The following EXOC2 variants were observed in gnomAD, a reference collection of about 807,000 sequenced individuals.
EXOC2 encodes the protein SEC5-like 1.
Under a neutral mutation model 131.8 loss-of-function variants are expected in EXOC2, and 70 were observed. The observed-to-expected ratio is 0.53, with a 90% CI of 0.44 to 0.65. The LOEUF is 0.65. EXOC2 is among the 30% of genes least tolerant of loss of function. The pLI is 0.00. For missense variants in EXOC2, 923 were observed against 1,108.6 expected, an observed-to-expected ratio of 0.83 and a Z score of 2.38; for synonymous variants, 411 against 398.4, an observed-to-expected ratio of 1.03 and a Z score of -0.38.
At chr6:573,734 T>A (rs1051914130) in intron 12 of EXOC2, among the ~76,000 whole-genome samples, 2 of 151,866 alleles carry the variant, frequency 1.3e-5, no homozygotes, top group Non-Finnish European at 2.9e-5. Context: ...TTTAATAATT[T>A]AAATAGTTAT....
rs199870373 is a variant in EXOC2, at chr6:532,454, A to C, written c.2380+15T>G. ...GTATATCCACATCTATTACTCAAGA[A>C]ACTTTATTACTTACCTGTTGGAGGC... On this transcript the variant is annotated intron_variant, in intron 23 of 27. Coordinates refer to ENST00000230449, the MANE Select transcript of EXOC2 (RefSeq NM_018303.6). 6.5e-7 allele frequency: 1 copy of C among 1,543,198 alleles called. No homozygotes were observed. Among genetic ancestry groups the C allele is most frequent in the Non-Finnish European group, 8.7e-7 (1 of 1,152,948 alleles).
At chr6:509,698 CA>C (rs1163243497) in intron 23 of EXOC2, among the ~76,000 whole-genome samples, 3 of 152,134 alleles carry the variant, frequency 2.0e-5, no homozygotes, top group African/African-American at 7.2e-5. Context: ...ACTGCTATGC[CA>C]TCTTAACCTA....
intron 1 of EXOC2, among the ~76,000 whole-genome samples, chr6:680,164 G>A (rs1442505429): frequency 6.6e-6 from 1 of 152,056 alleles, no homozygotes; most frequent in African/African-American, 2.4e-5. Flanking sequence ...CTTTCATGTT[G>A]TTTGTTGAGG....
chr6:571,024 A>G (rs1431278063), intron 13 of EXOC2, among the ~76,000 whole-genome samples: 2 of 152,212 alleles, frequency 1.3e-5, no homozygotes, highest in African/African-American at 2.4e-5. Flanking sequence ...ACTGATGGTG[A>G]CACACAGAAG....
In EXOC2 at chr6:549,286, C is replaced by A; in HGVS notation, c.2127G>T (p.Gln709His). 1.2e-6 allele frequency: 2 copies of A among 1,612,844 alleles called. No homozygotes were observed. The highest frequency in any genetic ancestry group is 1.7e-6 in the Non-Finnish European group (2 of 1,178,922). ...IHEDFSLTSEQRLLIVLSNCC... is the reference protein window; with the variant it reads ...IHEDFSLTSEHRLLIVLSNCC... ...AATTACTTAGGACTATCAAAAGGCG[C>A]TGTTCCTAAAAGCAAAACAAATGTT... The change falls in exon 22 of 28, where the codon CAG (glutamine) becomes CAT (histidine). Residue 709 changes from glutamine (Q) to histidine (H), a missense_variant. Coordinates refer to ENST00000230449, the MANE Select transcript of EXOC2 (RefSeq NM_018303.6).
At chr6:630,200 A>G (rs577009248) in intron 3 of EXOC2, among the ~76,000 whole-genome samples, 1 of 152,362 alleles carries the variant, frequency 6.6e-6, no homozygotes, top group African/African-American at 2.4e-5. Context: ...TTCATTGTAC[A>G]TTACTCAACA....
Position 552,878 on chromosome 6 carries a change from AC to A in EXOC2, c.2121+975del, listed in dbSNP as rs540648632. ...ACACAGACCACACACACACACACAC[AC>A]CCCCCCTTCAAACTCATGACAAACC... On this transcript the variant is annotated intron_variant, in intron 21 of 27. Coordinates refer to ENST00000230449, the MANE Select transcript of EXOC2 (RefSeq NM_018303.6). Among the ~76,000 whole-genome samples the A allele has an allele frequency of 8.2e-4, 124 of 150,418 alleles. 2 individuals carry two copies. In the East Asian group the frequency reaches 0.016, roughly 20 times the overall value.
chr6:512,520 A>G (rs563480388), intron 23 of EXOC2, among the ~76,000 whole-genome samples: 39 of 152,246 alleles, frequency 2.6e-4, no homozygotes, highest in Non-Finnish European at 5.3e-4. Flanking sequence ...TATGTTATTA[A>G]TAAGTCATCT....
chr6:488,285 C>T (rs372269755), intron 27 of EXOC2, among the ~76,000 whole-genome samples: 33 of 152,288 alleles, frequency 2.2e-4, no homozygotes, highest in East Asian at 1.9e-3. Context: ...AGTCAGTGCA[C>T]CACATGTGCC....
At chr6:515,691 CGT>C (rs1561804743) in intron 23 of EXOC2, among the ~76,000 whole-genome samples, 18 of 129,586 alleles carry the variant, frequency 1.4e-4, no homozygotes, top group African/African-American at 5.0e-4. Flanking sequence ...CCAGAGTGAC[CGT>C]AATCATACAA....
intron 2 of EXOC2, among the ~76,000 whole-genome samples, chr6:635,218 G>A (rs1047799096): frequency 6.6e-6 from 1 of 152,150 alleles, no homozygotes; most frequent in Non-Finnish European, 1.5e-5. Context: ...CCTTGCTAGA[G>A]AACTACCTTA....
Position 656,326 on chromosome 6 carries a change from G to A in EXOC2, c.-43-18465C>T, listed in dbSNP as rs780318637. 9 of 1,614,038 alleles carry A rather than the reference G, an allele frequency of 5.6e-6. No individual in the cohort carries two copies. In the East Asian group the frequency reaches 2.0e-4, roughly 36 times the overall value. On this transcript the variant is annotated intron_variant, in intron 1 of 27. Coordinates refer to ENST00000230449, the MANE Select transcript of EXOC2 (RefSeq NM_018303.6). Reference sequence around the variant, plus strand: ...ACAGCCGACTGGGGAGGGTTTCCAAGATTTTTAAAATAACTTTGAATGGAC... The same window carrying A: ...ACAGCCGACTGGGGAGGGTTTCCAAAATTTTTAAAATAACTTTGAATGGAC...
chr6:513,109 G>C (rs1203262213), intron 23 of EXOC2, among the ~76,000 whole-genome samples: 1 of 152,232 alleles, frequency 6.6e-6, no homozygotes, highest in Non-Finnish European at 1.5e-5. Context: ...GAATGCAGCT[G>C]GTGGTGTCTT....
chr6:547,303 C>T (rs549776575), intron 22 of EXOC2, among the ~76,000 whole-genome samples: 22 of 152,266 alleles, frequency 1.4e-4, no homozygotes, highest in African/African-American at 3.1e-4. Context: ...CCTTTCCTGG[C>T]GTAAGTACCA....
At chr6:648,976 G>C (rs898811198) in intron 1 of EXOC2, among the ~76,000 whole-genome samples, 4 of 151,870 alleles carry the variant, frequency 2.6e-5, no homozygotes, top group African/African-American at 9.7e-5. Context: ...GCCTCCCAAC[G>C]TGCTGGGATT....
chr6:501,864 T>TA (rs1764223419), intron 23 of EXOC2, among the ~76,000 whole-genome samples: 1 of 151,344 alleles, frequency 6.6e-6, no homozygotes, highest in African/African-American at 2.4e-5. Flanking sequence ...AATTGCAAGG[T>TA]AAGAAGTCTT....
Position 555,281 on chromosome 6 carries a change from A to G in EXOC2, c.2000T>C (p.Ile667Thr). ...GGTGCTCAACTGTTCCAGACAGTAT[A>G]TAAAAACCTAAGTGAAAACATAAGT... ...QLSINIMQVFIYCLEQLSTKP... is the reference protein window; with the variant it reads ...QLSINIMQVFTYCLEQLSTKP... Residue 667 changes from isoleucine to threonine, a missense_variant, in exon 20 of 28, where the codon ATA becomes ACA. By Grantham distance (89) the Ile-to-Thr change is moderately conservative. Coordinates refer to ENST00000230449, the MANE Select transcript of EXOC2 (RefSeq NM_018303.6). 1 of 1,522,608 alleles carries G rather than the reference A, an allele frequency of 6.6e-7. No individual in the cohort carries two copies. The highest frequency in any genetic ancestry group is 8.9e-7 in the Non-Finnish European group (1 of 1,120,992). 94.3% of individuals were successfully genotyped at this position (1,522,608 alleles called of 1,614,324 possible).
At chr6:645,705 C>T (rs1762549945) in intron 1 of EXOC2, among the ~76,000 whole-genome samples, 1 of 152,038 alleles carries the variant, frequency 6.6e-6, no homozygotes, top group Non-Finnish European at 1.5e-5. Flanking sequence ...TGTGTGTGTG[C>T]AAGTGTGTAT....
chr6:499,096 G>C (rs1386620519), intron 24 of EXOC2, among the ~76,000 whole-genome samples: 1 of 152,174 alleles, frequency 6.6e-6, no homozygotes, highest in Non-Finnish European at 1.5e-5. Context: ...GTGAGAGCAA[G>C]TTTTCGCATG....
Sources: allele counts gnomAD v4.1 joint callset (sites outside exome capture counted in the v4.1 genomes callset), GRCh38; gene constraint gnomAD v4.1.1; transcripts MANE v1.5; gene names NCBI Gene and HGNC (gene_info 2026-07-23, HGNC 2026-07-21).